Variants in ELMO1 observed in about 807,000 individuals in gnomAD.
ELMO1 encodes the protein engulfment and cell motility 1.
In ELMO1, 26 loss-of-function variants were observed where a neutral mutation model predicts 98.9. The observed-to-expected ratio is 0.26, with a 90% confidence interval of 0.19 to 0.36. The LOEUF (loss-of-function observed/expected upper bound fraction) is 0.36. Among genes scored for constraint, ELMO1 ranks in the 10% least tolerant of loss-of-function variants. The probability of loss-of-function intolerance (pLI) is 1.00; values close to 1 mark genes in which losing one functional copy is unlikely to be tolerated. For missense variants in ELMO1, 627 were observed against 935.2 expected (o/e 0.67, Z 4.30); for synonymous variants, 346 against 346.0 (o/e 1.00, Z 0.00).
chr7:37,040,056 G>T (rs906947441), intron 15 of ELMO1, among the ~76,000 whole-genome samples: 2 of 152,136 alleles, frequency 1.3e-5, no homozygotes, highest in East Asian at 3.8e-4. Context: ...GTGTGTGTGT[G>T]TATGTGTGCG....
chr7:37,380,939 TA>T (rs1045416945), intron 1 of ELMO1, among the ~76,000 whole-genome samples: 1 of 152,192 alleles, frequency 6.6e-6, no homozygotes, highest in Non-Finnish European at 1.5e-5. Flanking sequence ...AGGGCCATTT[TA>T]AAAAGCTAAA....
At chr7:37,412,719 C>A (rs1430219089) in intron 1 of ELMO1, among the ~76,000 whole-genome samples, 1 of 152,190 alleles carries the variant, frequency 6.6e-6, no homozygotes, top group Non-Finnish European at 1.5e-5. Flanking sequence ...GTGTGGGAAG[C>A]TATGCTATGT....
At chr7:37,026,625 T>C (rs1403278610) in intron 15 of ELMO1, among the ~76,000 whole-genome samples, 3 of 152,108 alleles carry the variant, frequency 2.0e-5, no homozygotes, top group Non-Finnish European at 4.4e-5. Flanking sequence ...CAACCATAAT[T>C]TATACCTCTG....
intron 16 of ELMO1, among the ~76,000 whole-genome samples, chr7:36,954,974 G>A (rs936111414): frequency 2.6e-5 from 4 of 152,116 alleles, no homozygotes; most frequent in African/African-American, 4.8e-5. Flanking sequence ...CCCACAACCC[G>A]TGACCCTGAA....
In ELMO1 at chr7:36,974,346, C is replaced by T. The variant is rs1302919720; in HGVS notation, c.1437+38953G>A. Among the ~76,000 whole-genome samples, 5 of 152,172 alleles carry T rather than the reference C, an allele frequency of 3.3e-5. 1 individual carries two copies. Among genetic ancestry groups the T allele is most frequent in the Non-Finnish European group, 5.9e-5 (4 of 68,028 alleles). On this transcript the variant is annotated intron_variant, in intron 16 of 21. Coordinates refer to ENST00000310758, the MANE Select transcript of ELMO1 (RefSeq NM_014800.11). ...GCTGCTGTGGTGGGGATGTGGAGAA[C>T]CTTTATGTCTAGCTCAGGGATTGTA...
chr7:37,344,033 ATT>A (rs10626425), intron 1 of ELMO1, among the ~76,000 whole-genome samples: 7 of 134,564 alleles, frequency 5.2e-5, no homozygotes, highest in Admixed American at 2.3e-4. Flanking sequence ...AAAAGGCAGC[ATT>A]TTTTTTTTTT....
chr7:36,993,272 C>A (rs1791990155), intron 16 of ELMO1, among the ~76,000 whole-genome samples: 1 of 152,108 alleles, frequency 6.6e-6, no homozygotes, highest in Non-Finnish European at 1.5e-5. Context: ...TAGGGTGAGT[C>A]CTGTTTAAAC....
rs751120641 is a variant in ELMO1 at position 37,216,601 on chromosome 7, G to T, written c.831+44C>A. On this transcript the variant is annotated intron_variant, in intron 11 of 21. Coordinates refer to ENST00000310758, the MANE Select transcript of ELMO1 (RefSeq NM_014800.11). ...AAGAAGAGATTAACAAATGCACCAG[G>T]CCACTCCTCCCCCACAAAGAGGTCA... The T allele has an allele frequency of 3.1e-6, 5 of 1,607,512 alleles. No individual in the cohort carries two copies. In the South Asian group the frequency reaches 3.3e-5, roughly 11 times the overall value.
At chr7:37,133,366 T>A (rs1413723862) in intron 13 of ELMO1, 132 bp from the exon 14 acceptor site, 1 of 629,516 alleles carries the variant, frequency 1.6e-6, no homozygotes, top group Non-Finnish European at 2.6e-6. Flanking sequence ...GATGACATTT[T>A]CTATCTCCAT....
intron 6 of ELMO1, among the ~76,000 whole-genome samples, chr7:37,245,496 AG>A (rs1216220804): frequency 6.6e-6 from 1 of 152,214 alleles, no homozygotes; most frequent in Non-Finnish European, 1.5e-5. Flanking sequence ...AATTTGTGGG[AG>A]GGGGATTAAA....
intron 15 of ELMO1, among the ~76,000 whole-genome samples, chr7:37,080,496 G>A (rs190288490): frequency 7.4e-5 from 11 of 149,462 alleles, no homozygotes; most frequent in South Asian, 2.1e-4. Flanking sequence ...GGAGTGCAGC[G>A]GCGTGATCTC....
intron 16 of ELMO1, among the ~76,000 whole-genome samples, chr7:36,952,964 CTTTTTTTTTTTTTTT>C (rs70980904): frequency 2.4e-5 from 2 of 82,876 alleles, no homozygotes; most frequent in East Asian, 3.3e-4. Flanking sequence ...AGTCACTACT[CTTTTTTTTTTTTTTT>C]TTTTTTTTTT....
At chr7:37,343,845 T>C (rs899424239) in intron 1 of ELMO1, among the ~76,000 whole-genome samples, 2 of 152,160 alleles carry the variant, frequency 1.3e-5, no homozygotes, top group African/African-American at 4.8e-5. Context: ...TGTGTGTTTG[T>C]GTGTACAAAG....
chr7:37,210,230 G>C (rs1304112588), intron 13 of ELMO1, among the ~76,000 whole-genome samples: 3 of 152,012 alleles, frequency 2.0e-5, no homozygotes, highest in Non-Finnish European at 4.4e-5. Context: ...TGTGATCATG[G>C]GTGTGCATAC....
At chr7:36,967,039 A>G (rs1370463256) in intron 16 of ELMO1, among the ~76,000 whole-genome samples, 6 of 152,246 alleles carry the variant, frequency 3.9e-5, no homozygotes, top group South Asian at 2.1e-4. Context: ...AGCTGCAGGT[A>G]GAATAAAGTA....
At chr7:36,989,310 T>C (rs543606727) in intron 16 of ELMO1, among the ~76,000 whole-genome samples, 13 of 152,262 alleles carry the variant, frequency 8.5e-5, no homozygotes, top group Admixed American at 7.8e-4. Flanking sequence ...AATCAAGGGA[T>C]TCAAGCTCTA....
intron 17 of ELMO1, among the ~76,000 whole-genome samples, chr7:36,889,750 T>G (rs1805390144): frequency 6.6e-6 from 1 of 152,200 alleles, no homozygotes; most frequent in South Asian, 2.1e-4. Context: ...CATTTCATCA[T>G]GGAACCATAT....
chr7:37,093,350 G>A (rs1784218522), intron 15 of ELMO1, among the ~76,000 whole-genome samples: 1 of 152,118 alleles, frequency 6.6e-6, no homozygotes. Flanking sequence ...TAGAAAATTG[G>A]ATCTTTCTAC....
Position 36,938,899 on chromosome 7 carries a change from A to C in ELMO1, c.1438-43882T>G, listed in dbSNP as rs567243789. Among the ~76,000 whole-genome samples the C allele has an allele frequency of 2.6e-5, 4 of 152,292 alleles. No homozygotes were observed. The East Asian group carries it at 7.7e-4, about 29-fold the overall frequency. The stretch of plus-strand genomic sequence containing the variant: ...AAAGATTAGCTGGGCATGGTGGTGC[A>C]TGCCTGTAGTCCTAAGTACTCGGGA... On this transcript the variant is annotated intron_variant, in intron 16 of 21. Coordinates refer to ENST00000310758, the MANE Select transcript of ELMO1 (RefSeq NM_014800.11).
Sources: gnomAD v4.1 joint callset for allele counts (sites outside exome capture counted in the v4.1 genomes callset) on GRCh38, gnomAD v4.1.1 for gene constraint, MANE v1.5 for transcripts, NCBI Gene and HGNC (gene_info 2026-07-23, HGNC 2026-07-21) for gene names.